Variants in MYO10 observed in about 807,000 individuals in gnomAD.
MYO10 encodes the protein myosin X.
Under a neutral mutation model 257.3 loss-of-function variants are expected in MYO10, and 133 were observed. The observed-to-expected ratio is 0.52, with a 90% CI of 0.45 to 0.60. The LOEUF is 0.60. Ranked by LOEUF, MYO10 falls within the 20% of genes least tolerant of loss-of-function variation. The pLI is 0.00. For missense variants in MYO10, 2,399 were observed against 2,635.7 expected, an observed-to-expected ratio of 0.91 and a Z score of 1.97; for synonymous variants, 1,104 against 1,028.6, an observed-to-expected ratio of 1.07 and a Z score of -1.40.
chr5:16,908,977 TAAG>T (rs1160588167), intron 1 of MYO10, among the ~76,000 whole-genome samples: 4 of 152,108 alleles, frequency 2.6e-5, no homozygotes, highest in African/African-American at 9.7e-5. Flanking sequence ...GAAGGGAGAA[TAAG>T]GAGTGACTGC....
intron 1 of MYO10, among the ~76,000 whole-genome samples, chr5:16,907,457 G>A (rs1745548805): frequency 6.6e-6 from 1 of 152,058 alleles, no homozygotes; most frequent in Non-Finnish European, 1.5e-5. Flanking sequence ...CACCAAGTCT[G>A]CTGATCAACA....
At chr5:16,858,291 G>C (rs548154031) in intron 2 of MYO10, among the ~76,000 whole-genome samples, 2 of 152,240 alleles carry the variant, frequency 1.3e-5, no homozygotes, top group South Asian at 2.1e-4. Context: ...ATACAATTCA[G>C]GCTGTAGGCA....
chr5:16,707,161 T>C (rs1433866962), intron 21 of MYO10, among the ~76,000 whole-genome samples: 1 of 152,188 alleles, frequency 6.6e-6, no homozygotes, highest in African/African-American at 2.4e-5. Flanking sequence ...TCTTCCTTCA[T>C]CTTCTGCCAT....
intron 4 of MYO10, among the ~76,000 whole-genome samples, chr5:16,786,695 C>A (rs866179675): frequency 6.6e-6 from 1 of 151,962 alleles, no homozygotes; most frequent in South Asian, 2.1e-4. Context: ...CTGAAATATG[C>A]CTAGCCCAAA....
intron 9 of MYO10, among the ~76,000 whole-genome samples, chr5:16,773,875 T>C (rs1741134700): frequency 6.6e-6 from 1 of 152,154 alleles, no homozygotes; most frequent in Non-Finnish European, 1.5e-5. Context: ...TCTAAGTGAT[T>C]GGGCAAGTAG....
intron 19 of MYO10, chr5:16,738,372 A>G: frequency 1.0e-6 from 1 of 985,448 alleles, no homozygotes; most frequent in Non-Finnish European, 1.2e-6. Flanking sequence ...CTTCCTGCAG[A>G]AGGGTAGCAA....
chr5:16,769,219 T>C lies in MYO10; in HGVS notation c.931-16A>G, dbSNP rs575165206. 3.2e-6 allele frequency: 5 copies of C among 1,579,404 alleles called. No homozygotes were observed. Among genetic ancestry groups the C allele is most frequent in the African/African-American group, 2.7e-5 (2 of 73,302 alleles). On this transcript the variant is annotated splice_polypyrimidine_tract_variant and intron_variant, in intron 9 of 40. Coordinates refer to ENST00000513610, the MANE Select transcript of MYO10 (RefSeq NM_012334.3). Reference sequence around the variant, plus strand: ...CCATTGCCGTCTAGAAGAAAATAAATGTATTTAATTTTATGTCGTTTTTTC... The same window carrying C: ...CCATTGCCGTCTAGAAGAAAATAAACGTATTTAATTTTATGTCGTTTTTTC...
At chr5:16,790,860 C>G (rs1741728689) in intron 4 of MYO10, among the ~76,000 whole-genome samples, 1 of 151,140 alleles carries the variant, frequency 6.6e-6, no homozygotes, top group South Asian at 2.1e-4. Flanking sequence ...CAAACACTGA[C>G]CTTATGAGAT....
intron 2 of MYO10, among the ~76,000 whole-genome samples, chr5:16,874,778 C>T (rs1235917238): frequency 6.6e-6 from 1 of 152,174 alleles, no homozygotes; most frequent in Admixed American, 6.5e-5. Context: ...CTGCCTGTTA[C>T]CCAGTTCCAA....
At chr5:16,859,728 C>T (rs563711837) in intron 2 of MYO10, among the ~76,000 whole-genome samples, 5 of 152,238 alleles carry the variant, frequency 3.3e-5, no homozygotes, top group Admixed American at 2.6e-4. Flanking sequence ...GCCTGGGTGA[C>T]AGGGTGACAC....
At chr5:16,921,613 T>A in intron 1 of MYO10, among the ~76,000 whole-genome samples, 1 of 144,706 alleles carries the variant, frequency 6.9e-6, no homozygotes. Context: ...GAATTCAGGG[T>A]CTGGAAAAAA....
chr5:16,807,219 G>C (rs1371194207), intron 3 of MYO10, among the ~76,000 whole-genome samples: 1 of 152,152 alleles, frequency 6.6e-6, no homozygotes, highest in Non-Finnish European at 1.5e-5. Flanking sequence ...TCAGCTGTAA[G>C]TTACAGATCC....
chr5:16,727,961 C>T (rs1409352448), intron 19 of MYO10, among the ~76,000 whole-genome samples: 1 of 151,798 alleles, frequency 6.6e-6, no homozygotes, highest in Non-Finnish European at 1.5e-5. Flanking sequence ...AGCCCTTTCT[C>T]TTTAATTATG....
chr5:16,708,226 C>T (rs1413994406), intron 21 of MYO10, among the ~76,000 whole-genome samples: 2 of 152,226 alleles, frequency 1.3e-5, no homozygotes, highest in East Asian at 3.8e-4. Context: ...TTGAATACTT[C>T]CTTGATCATT....
chr5:16,824,035 T>C (rs1182600084), intron 2 of MYO10, among the ~76,000 whole-genome samples: 1 of 152,076 alleles, frequency 6.6e-6, no homozygotes, highest in Non-Finnish European at 1.5e-5. Context: ...CATGGTGAAC[T>C]GGATTGGCGT....
At chr5:16,859,173 C>A (rs186396105) in intron 2 of MYO10, among the ~76,000 whole-genome samples, 1 of 152,276 alleles carries the variant, frequency 6.6e-6, no homozygotes, top group African/African-American at 2.4e-5. Flanking sequence ...AACAAACTAC[C>A]ACAGACTGGA....
chr5:16,821,548 C>G (rs1412066512), intron 2 of MYO10, among the ~76,000 whole-genome samples: 3 of 140,290 alleles, frequency 2.1e-5, no homozygotes, highest in Non-Finnish European at 4.5e-5. Flanking sequence ...CTCACTGCAA[C>G]CTCCACCTCC....
intron 3 of MYO10, among the ~76,000 whole-genome samples, chr5:16,798,285 T>C (rs1410079034): frequency 6.6e-6 from 1 of 152,176 alleles, no homozygotes; most frequent in East Asian, 1.9e-4. Context: ...ATTGTGAATG[T>C]ACTAAATGCC....
chr5:16,818,408 GTGTA>G (rs1173806899), intron 2 of MYO10, among the ~76,000 whole-genome samples: 4,697 of 93,310 alleles, frequency 0.05, 103 homozygotes, highest in African/African-American at 0.064. Flanking sequence ...GTGTGTGTGT[GTGTA>G]TATATATATA....
Sources: allele counts gnomAD v4.1 joint callset (sites outside exome capture counted in the v4.1 genomes callset), GRCh38; gene constraint gnomAD v4.1.1; transcripts MANE v1.5; gene names NCBI Gene and HGNC (gene_info 2026-07-23, HGNC 2026-07-21).